AGBL1: variants seen among roughly 807,000 people sequenced by gnomAD.
AGBL1 encodes the protein AGBL carboxypeptidase 1, also known as cytosolic carboxypeptidase 4.
A neutral mutation model predicts 118.9 loss-of-function variants in AGBL1; 130 were observed. The observed-to-expected ratio is 1.09, with a 90% confidence interval of 0.95 to 1.26. AGBL1 has a LOEUF of 1.26. AGBL1 is among the 50% of genes most tolerant of loss of function. The pLI, the probability that AGBL1 is intolerant of heterozygous loss-of-function variation, is 0.00. For synonymous variants in AGBL1, 555 were observed against 478.9 expected (o/e 1.16, Z -2.08); for missense variants, 1,584 against 1,298.1 (o/e 1.22, Z -3.38).
At chr15:86,397,235 C>G in intron 17 of AGBL1, 131 bp from the exon 18 acceptor site, 1 of 670,826 alleles carries the variant, frequency 1.5e-6, no homozygotes, top group Non-Finnish European at 2.2e-6. Context: ...AAACAAAATT[C>G]AAAACCTACA....
intron 23 of AGBL1, among the ~76,000 whole-genome samples, chr15:86,929,318 T>C (rs1027329882): frequency 3.3e-5 from 5 of 152,210 alleles, no homozygotes; most frequent in African/African-American, 1.2e-4. Context: ...CTGCCCTTTG[T>C]GGCTCTGAAC....
At chr15:86,897,764 C>CTTTTTTTTTTTTTTTTTTTTTTT (rs71460231) in intron 22 of AGBL1, among the ~76,000 whole-genome samples, 1 of 80,622 alleles carries the variant, frequency 1.2e-5, no homozygotes, top group African/African-American at 5.0e-5. Context: ...CATCTTTTAT[C>CTTTTTTTTTTTTTTTTTTTTTTT]TTTTTTTTTT....
intron 7 of AGBL1, among the ~76,000 whole-genome samples, chr15:86,253,960 AG>A (rs564657037): frequency 1.6e-3 from 237 of 152,316 alleles, no homozygotes; most frequent in African/African-American, 5.5e-3. Flanking sequence ...AGAGGGCACA[AG>A]GGGAAGGAAG....
At chr15:86,660,040 G>A (rs763670228) in intron 21 of AGBL1, among the ~76,000 whole-genome samples, 119 of 151,854 alleles carry the variant, frequency 7.8e-4, no homozygotes, top group Non-Finnish European at 1.6e-3. Flanking sequence ...TTGTAGCCAC[G>A]GCTTGGCAAT....
chr15:86,469,394 T>C (rs1380621881), intron 18 of AGBL1, among the ~76,000 whole-genome samples: 3 of 152,200 alleles, frequency 2.0e-5, no homozygotes, highest in Non-Finnish European at 4.4e-5. Flanking sequence ...AGGTTCATCC[T>C]GAGTTGGAGG....
intron 18 of AGBL1, among the ~76,000 whole-genome samples, chr15:86,454,539 T>C (rs1451054844): frequency 6.6e-6 from 1 of 152,058 alleles, no homozygotes; most frequent in African/African-American, 2.4e-5. Flanking sequence ...TTGTGGCAAA[T>C]CCATGCAATG....
chr15:86,291,902 G>T (rs1488834874), intron 16 of AGBL1, among the ~76,000 whole-genome samples: 1 of 152,152 alleles, frequency 6.6e-6, no homozygotes, highest in Non-Finnish European at 1.5e-5. Flanking sequence ...ACAAAGATTT[G>T]GTTAGATACA....
At chr15:86,344,572 T>C (rs541196804) in intron 17 of AGBL1, among the ~76,000 whole-genome samples, 8 of 151,924 alleles carry the variant, frequency 5.3e-5, no homozygotes, top group African/African-American at 1.9e-4. Flanking sequence ...GGCTCTGAGG[T>C]TGATGGTCCT....
At chr15:86,510,975 C>T (rs1039859083) in intron 18 of AGBL1, among the ~76,000 whole-genome samples, 7 of 152,008 alleles carry the variant, frequency 4.6e-5, no homozygotes, top group African/African-American at 1.7e-4. Flanking sequence ...GGAGCTGGCA[C>T]TTGATAATAA....
At chr15:86,755,672 G>C (rs945102080) in intron 22 of AGBL1, among the ~76,000 whole-genome samples, 46 of 152,206 alleles carry the variant, frequency 3.0e-4, no homozygotes, top group Non-Finnish European at 6.5e-4. Flanking sequence ...CTTGTCCTGT[G>C]CCTCTGTTCC....
At chr15:86,961,930 A>C (rs563438071) in intron 23 of AGBL1, among the ~76,000 whole-genome samples, 175 of 152,208 alleles carry the variant, frequency 1.1e-3, no homozygotes, top group Non-Finnish European at 2.1e-3. Flanking sequence ...GCTACTAAAT[A>C]GAAGGGCCTG....
At chr15:86,653,954 G>T (rs564557905) in intron 21 of AGBL1, among the ~76,000 whole-genome samples, 1 of 152,246 alleles carries the variant, frequency 6.6e-6, no homozygotes, top group South Asian at 2.1e-4. Flanking sequence ...AATGAAAGCA[G>T]ATTAGAGCAG....
intron 24 of AGBL1, among the ~76,000 whole-genome samples, chr15:87,026,809 AAAAGGAAT>A (rs750916387): frequency 4.3e-4 from 66 of 152,238 alleles, no homozygotes; most frequent in Non-Finnish European, 6.9e-4. Flanking sequence ...CTCAGCCATA[AAAAGGAAT>A]GAATTATTGG....
intron 22 of AGBL1, among the ~76,000 whole-genome samples, chr15:86,875,138 G>T (rs565151467): frequency 1.3e-5 from 2 of 152,278 alleles, no homozygotes; most frequent in Admixed American, 6.5e-5. Flanking sequence ...GAGAAAACGT[G>T]TCACAATTTC....
chr15:86,599,125 G>T (rs553604221), intron 21 of AGBL1, among the ~76,000 whole-genome samples: 1 of 152,102 alleles, frequency 6.6e-6, no homozygotes, highest in East Asian at 1.9e-4. Context: ...TTCACACCGA[G>T]CTGACTTTAT....
At chr15:86,863,644 C>T (rs776996431) in intron 22 of AGBL1, among the ~76,000 whole-genome samples, 1 of 152,060 alleles carries the variant, frequency 6.6e-6, no homozygotes, top group Non-Finnish European at 1.5e-5. Flanking sequence ...GGAAGTGTTC[C>T]TATTGTTTAT....
chr15:86,347,686 A>G (rs895159343), intron 17 of AGBL1, among the ~76,000 whole-genome samples: 1 of 152,198 alleles, frequency 6.6e-6, no homozygotes, highest in Non-Finnish European at 1.5e-5. Context: ...TCAGTTTTCC[A>G]TCTGACCCTT....
intron 5 of AGBL1, among the ~76,000 whole-genome samples, chr15:86,215,221 ATGCGTGTGTGTGTGTGTGTG>A (rs2078166924): frequency 8.0e-6 from 1 of 124,702 alleles, no homozygotes; most frequent in Admixed American, 8.2e-5. Flanking sequence ...GTGTATATGT[ATGCGTGTGTGTGTGTGTGTG>A]TGTGTGTGTG....
At chr15:86,350,467 A>T (rs1333942888) in intron 17 of AGBL1, among the ~76,000 whole-genome samples, 1 of 152,230 alleles carries the variant, frequency 6.6e-6, no homozygotes. Context: ...TGAAGTGAGC[A>T]TGTGCTGGTC....
Sources: gnomAD v4.1 joint callset for allele counts (sites outside exome capture counted in the v4.1 genomes callset) on GRCh38, gnomAD v4.1.1 for gene constraint, MANE v1.5 for transcripts, NCBI Gene and HGNC (gene_info 2026-07-23, HGNC 2026-07-21) for gene names.